CTCFL: variants seen among roughly 807,000 people sequenced by gnomAD.
CTCFL encodes the protein transcriptional repressor CTCFL.
Under a neutral mutation model 67.4 loss-of-function variants are expected in CTCFL, and 36 were observed. The observed-to-expected ratio is 0.53, with a 90% CI of 0.41 to 0.71. CTCFL has a LOEUF of 0.71. Ranked by LOEUF, CTCFL falls within the 30% of genes least tolerant of loss-of-function variation. CTCFL has a pLI of 0.00. For synonymous variants in CTCFL, 324 were observed against 302.3 expected (o/e 1.07, Z -0.75); for missense variants, 786 against 835.2 (o/e 0.94, Z 0.73).
At position 57,523,199 on chromosome 20, in the gene CTCFL, C is replaced by T. The variant is rs767588077; in HGVS notation, c.623G>A (p.Gly208Glu). 1 of 1,614,066 alleles carries T rather than the reference C, an allele frequency of 6.2e-7. No individual in the cohort carries two copies. Among genetic ancestry groups the T allele is most frequent in the Non-Finnish European group, 8.5e-7 (1 of 1,180,014 alleles). The change falls in exon 3 of 11, where the codon GGA becomes GAA. Residue 208 changes from glycine (G) to glutamate (E), a missense_variant. Physicochemically the swap from Gly to Glu is moderately conservative, Grantham distance 98 (BLOSUM62 -2). This residue lies in a region of CTCFL where 333 missense variants were observed against 304.6 expected (regional missense o/e 1.09). Transcript: ENST00000243914. Reference protein sequence around the residue: ...EQLFFVETMSGDERSDEIVLT... With the variant: ...EQLFFVETMSEDERSDEIVLT... The stretch of plus-strand genomic sequence containing the variant: ...AACAATTTCGTCACTTCTTTCATCT[C>T]CTGACATTGTTTCCACAAAAAAGAG...
intron 3 of CTCFL, among the ~76,000 whole-genome samples, chr20:57,519,655 G>C (rs2069199011): frequency 6.6e-6 from 1 of 152,188 alleles, no homozygotes; most frequent in South Asian, 2.1e-4. Context: ...CAATGCTAGG[G>C]AGGAGATGCC....
Position 57,514,695 on chromosome 20 carries a change from C to A in CTCFL, c.1227G>T (p.Gln409His). 1 of 1,614,182 alleles carries A rather than the reference C, an allele frequency of 6.2e-7. No homozygotes were observed. Among genetic ancestry groups the A allele is most frequent in the Non-Finnish European group, 8.5e-7 (1 of 1,180,012 alleles). The part of the protein sequence containing the change: ...ECHICHTRFT[Q>H]SGTMKIHILQ... ...GAATATGTATTTTCATGGTCCCGCT[C>A]TGGGTGAAGCGGGTGTGGCAGATGT... Residue 409 changes from glutamine (Q) to histidine (H), a missense_variant, in exon 7 of 11, where the codon CAG becomes CAT. Gln to His is a conservative substitution (Grantham distance 24). Transcript: ENST00000243914.
At chr20:57,524,656 C>T (rs2069718149) in intron 1 of CTCFL, 3 of 1,005,510 alleles carry the variant, frequency 3.0e-6, no homozygotes, top group African/African-American at 3.5e-5. Context: ...AGTTTCAGGT[C>T]CAAGCAGGCC....
rs770818693 is a variant in CTCFL, at chr20:57,519,364, G to A, written c.768C>T (p.Thr256=). Residue 256 remains threonine (T), a synonymous_variant, in exon 4 of 11, where the codon ACC becomes ACT. Transcript: ENST00000243914. ...NQRKTKGAKG[T]FHCDVCMFTS... ...TGAACATGCAGACATCACAGTGGAA[G>A]GTTCCTTTTGCTCCTATAGGCAGGA... 8 of 1,613,824 alleles carry A rather than the reference G, an allele frequency of 5.0e-6. No individual in the cohort carries two copies. In the South Asian group the frequency reaches 8.8e-5, roughly 18 times the overall value.
At chr20:57,507,524 C>A (rs1211525496) in intron 9 of CTCFL, 22 of 697,696 alleles carry the variant, frequency 3.2e-5, no homozygotes, top group Non-Finnish European at 5.2e-6. Context: ...GACTAGACTG[C>A]AAAAGGCACC....
At chr20:57,519,080 G>GAAA in intron 4 of CTCFL, 127 bp downstream of exon 4, 1 of 1,239,908 alleles carries the variant, frequency 8.1e-7, no homozygotes, top group Non-Finnish European at 1.1e-6. Flanking sequence ...GGAAATTCAA[G>GAAA]AAAAAGAAGA....
At chr20:57,509,242 T>C (rs560231749) in intron 8 of CTCFL, among the ~76,000 whole-genome samples, 2 of 152,106 alleles carry the variant, frequency 1.3e-5, no homozygotes, top group East Asian at 3.9e-4. Context: ...TCAACATTTT[T>C]CCATTTACTT....
chr20:57,521,728 T>C (rs2069379477), intron 3 of CTCFL, among the ~76,000 whole-genome samples: 1 of 152,236 alleles, frequency 6.6e-6, no homozygotes, highest in Non-Finnish European at 1.5e-5. Flanking sequence ...CAGGGATTAT[T>C]ACTTAGCCAT....
chr20:57,514,730 A>C lies in CTCFL; in HGVS notation c.1192T>G (p.Tyr398Asp). The change falls in exon 7 of 11, where the codon TAC (tyrosine) becomes GAC (aspartate). Residue 398 changes from tyrosine to aspartate, a missense_variant. Physicochemically the swap from Tyr to Asp is radical, Grantham distance 160. Around this residue, in one of 3 missense-constraint regions of CTCFL, gnomAD observed 254 missense variants for 333.9 expected, o/e 0.76. Transcript: ENST00000243914. ...HMRTHSGEKPYECHICHTRFT... is the reference protein window; with the variant it reads ...HMRTHSGEKPDECHICHTRFT... Reference sequence around the variant, plus strand: ...CGGGTGTGGCAGATGTGGCATTCGTAAGGCTTCTCACCTGAGATGCAGACA... The same window carrying C: ...CGGGTGTGGCAGATGTGGCATTCGTCAGGCTTCTCACCTGAGATGCAGACA... The C allele has an allele frequency of 6.2e-7, 1 of 1,613,990 alleles. No individual in the cohort carries two copies. Among genetic ancestry groups the C allele is most frequent in the Non-Finnish European group, 8.5e-7 (1 of 1,179,950 alleles).
At chr20:57,519,080 G>A in intron 4 of CTCFL, 127 bp downstream of exon 4, 1 of 1,239,908 alleles carries the variant, frequency 8.1e-7, no homozygotes, top group South Asian at 1.6e-5. Context: ...GGAAATTCAA[G>A]AAAAAGAAGA....
intron 10 of CTCFL, 104 bp from the exon 11 acceptor site, chr20:57,498,805 C>T (rs528822410): frequency 2.4e-5 from 23 of 968,834 alleles, no homozygotes; most frequent in East Asian, 1.7e-4. Flanking sequence ...AATTTGAACA[C>T]GGCAGCAAGC....
chr20:57,514,484 G>A (rs973054064), intron 7 of CTCFL, 108 bp downstream of exon 7: 25 of 1,359,698 alleles, frequency 1.8e-5, no homozygotes, highest in Admixed American at 4.5e-5. Flanking sequence ...CCAAGTTCCC[G>A]AAGACCGGGC....
In CTCFL at chr20:57,523,255, GTTC is replaced by G. The variant is rs1233696889; in HGVS notation, c.564_566del (p.Lys188del). ...CCTTTGTTCTTTCAGCCAATAACTG[GTTC>G]TTCTCCTGCTCTTCCTCGAGCTAAT... On this transcript the variant is annotated inframe_deletion, in exon 3 of 11. Coordinates refer to ENST00000243914, the MANE Select transcript of CTCFL (RefSeq NM_001386993.1). 1 of 1,613,632 alleles carries G rather than the reference GTTC, an allele frequency of 6.2e-7. No homozygotes were observed. The highest frequency in any genetic ancestry group is 1.7e-5 in the Admixed American group (1 of 59,992).
At chr20:57,524,281 G>T in intron 1 of CTCFL, 65 bp from the exon 2 acceptor site, 1 of 1,532,402 alleles carries the variant, frequency 6.5e-7, no homozygotes, top group East Asian at 2.2e-5. Flanking sequence ...GGAGGGATGC[G>T]GGGGGTGCTG....
At chr20:57,515,607 C>A in intron 6 of CTCFL, 107 bp downstream of exon 6, 2 of 1,453,438 alleles carry the variant, frequency 1.4e-6, no homozygotes, top group Non-Finnish European at 1.9e-6. Context: ...ACGCAAAAAT[C>A]CACTTTTACC....
chr20:57,519,156 T>C (rs1342436767), intron 4 of CTCFL, 51 bp downstream of exon 4: 4 of 1,557,210 alleles, frequency 2.6e-6, no homozygotes, highest in East Asian at 2.3e-5. Flanking sequence ...ATTCTTAACA[T>C]AAGCCTTAAC....
chr20:57,513,183 T>C (rs968623924), intron 7 of CTCFL: 4 of 930,620 alleles, frequency 4.3e-6, no homozygotes, highest in African/African-American at 1.8e-5. Flanking sequence ...AGGTGAATTT[T>C]AGGATGATGT....
In CTCFL at chr20:57,497,539, A is replaced by G; in HGVS notation, c.*1011T>C. On this transcript the variant is annotated 3_prime_UTR_variant, in exon 11 of 11. Transcript: ENST00000243914. Reference sequence around the variant, plus strand: ...GCAATGAAGAAAAATCTGCCTCTGTATCCAGATAGAAATGAATTTCAAGTG... The same window carrying G: ...GCAATGAAGAAAAATCTGCCTCTGTGTCCAGATAGAAATGAATTTCAAGTG... 1 of 985,472 alleles carries G rather than the reference A, an allele frequency of 1.0e-6. No individual in the cohort carries two copies. The highest frequency in any genetic ancestry group is 1.7e-5 in the African/African-American group (1 of 57,372). 61.0% of individuals were successfully genotyped at this position (985,472 alleles called of 1,614,324 possible). A position where few individuals can be genotyped will look rare whatever the true frequency, so the allele number is the denominator to read the frequency against.
At chr20:57,524,814 C>T in intron 1 of CTCFL, 8 of 946,858 alleles carry the variant, frequency 8.4e-6, no homozygotes, top group Non-Finnish European at 1.0e-5. Flanking sequence ...AAGCAGCCCT[C>T]GGCCAGACCA....
Sources: gnomAD v4.1 joint callset for allele counts (sites outside exome capture counted in the v4.1 genomes callset) on GRCh38, gnomAD v4.1.1 for gene constraint, gnomAD v4.1.1 regional missense constraint, MANE v1.5 for transcripts, NCBI Gene and HGNC (gene_info 2026-07-23, HGNC 2026-07-21) for gene names.